TRAF3IP3: variants seen among roughly 807,000 people sequenced by gnomAD.
TRAF3IP3 encodes TRAF3-interacting JNK-activating modulator.
TRAF3IP3 carries 64 observed loss-of-function variants against 86.5 expected under a neutral mutation model. The observed-to-expected ratio is 0.74, with a 90% CI of 0.60 to 0.91. The LOEUF is 0.91. Among genes scored for constraint, TRAF3IP3 ranks in the 40% least tolerant of loss-of-function variants. TRAF3IP3 has a pLI of 0.00. For missense variants in TRAF3IP3, 579 were observed against 642.9 expected (o/e 0.90, Z 1.07); for synonymous variants, 220 against 243.9 (o/e 0.90, Z 0.91).
intron 8 of TRAF3IP3, among the ~76,000 whole-genome samples, chr1:209,771,495 AT>A (rs2077522571): frequency 9.3e-6 from 1 of 107,378 alleles, no homozygotes; most frequent in Non-Finnish European, 1.8e-5. Context: ...GTGCGTGTGC[AT>A]GTGAAGGTGT....
chr1:209,777,457 C>T lies in TRAF3IP3; in HGVS notation c.1159C>T (p.Leu387=), dbSNP rs370559667. The change falls in exon 12 of 17, where the codon CTG becomes TTG. Residue 387 remains leucine (L), a synonymous_variant. Transcript: ENST00000367025. ...TGAATGCCTGCAAGGGGACAGAGAC[C>T]TGTGCAGCTTGGATACCCAGGACCT... The part of the protein sequence containing the change: ...KIECLQGDRD[L]CSLDTQDLQD... The T allele has an allele frequency of 2.5e-6, 4 of 1,613,922 alleles. No individual in the cohort carries two copies. The highest frequency in any genetic ancestry group is 1.3e-5 in the African/African-American group (1 of 74,924).
intron 8 of TRAF3IP3, among the ~76,000 whole-genome samples, chr1:209,770,431 G>T (rs553501147): frequency 4.5e-4 from 67 of 150,380 alleles, no homozygotes; most frequent in South Asian, 8.4e-4. Context: ...ATGTGGAGGT[G>T]TGTGTGTGCA....
intron 11 of TRAF3IP3, chr1:209,776,600 T>C (rs1405712527): frequency 1.3e-5 from 2 of 152,002 alleles, no homozygotes; most frequent in Non-Finnish European, 2.9e-5. Context: ...TATGAAGATT[T>C]TTGTGAGGGG....
intron 8 of TRAF3IP3, chr1:209,768,777 C>A (rs956811233): frequency 2.5e-6 from 2 of 803,630 alleles, no homozygotes; most frequent in African/African-American, 1.9e-5. Context: ...AAAAGTGCTT[C>A]TTCCCACATA....
chr1:209,759,604 G>T (rs1019135393), intron 2 of TRAF3IP3, among the ~76,000 whole-genome samples: 2 of 152,112 alleles, frequency 1.3e-5, no homozygotes, highest in African/African-American at 4.8e-5. Context: ...TAGAAGTCTG[G>T]AAAATGAACA....
At chr1:209,777,820 A>G (rs1053213174) in intron 12 of TRAF3IP3, 5 of 527,712 alleles carry the variant, frequency 9.5e-6, no homozygotes, top group Non-Finnish European at 1.7e-5. Flanking sequence ...GTTGAAACAC[A>G]AGGCATAGAG....
intron 8 of TRAF3IP3, among the ~76,000 whole-genome samples, chr1:209,769,216 G>A (rs2077416467): frequency 7.0e-6 from 1 of 142,472 alleles, no homozygotes; most frequent in Non-Finnish European, 1.5e-5. Flanking sequence ...TGCATAGAAA[G>A]AGTTTGGGCA....
intron 8 of TRAF3IP3, 76 bp downstream of exon 8, chr1:209,763,663 C>T: frequency 8.1e-7 from 1 of 1,236,938 alleles, no homozygotes; most frequent in African/African-American, 1.5e-5. Context: ...TCCACATCAT[C>T]ACAGTAAGAG....
chr1:209,762,240 G>A (rs955970806), intron 3 of TRAF3IP3, among the ~76,000 whole-genome samples: 1 of 152,176 alleles, frequency 6.6e-6, no homozygotes, highest in Non-Finnish European at 1.5e-5. Context: ...GCAGAGAGCA[G>A]AGAGAGAAAG....
intron 8 of TRAF3IP3, among the ~76,000 whole-genome samples, chr1:209,767,094 G>A (rs968146319): frequency 1.3e-5 from 2 of 152,190 alleles, no homozygotes; most frequent in African/African-American, 4.8e-5. Flanking sequence ...AAGGATCTCA[G>A]ACAGGTCTTT....
At chr1:209,777,853 T>G in intron 12 of TRAF3IP3, 1 of 547,136 alleles carries the variant, frequency 1.8e-6, no homozygotes, top group Admixed American at 3.5e-5. Context: ...TCACATCCTC[T>G]GTGTCCGCTG....
chr1:209,769,057 T>G (rs921491024), intron 8 of TRAF3IP3, among the ~76,000 whole-genome samples: 2 of 152,096 alleles, frequency 1.3e-5, no homozygotes, highest in South Asian at 4.2e-4. Context: ...GGCAAAATAT[T>G]GGATTAAAGC....
Position 209,782,195 on chromosome 1 carries a change from C to A in TRAF3IP3, c.*47C>A, listed in dbSNP as rs772132832. On this transcript the variant is annotated 3_prime_UTR_variant, in exon 17 of 17. Transcript: ENST00000367025. ...GGGTGAAAATCAGAAGCAAGCAACT[C>A]AGCGAAAAACTCAGAAGGTTTGGGT... The A allele has an allele frequency of 2.0e-6, 3 of 1,490,070 alleles. No individual in the cohort carries two copies. Among genetic ancestry groups the A allele is most frequent in the Non-Finnish European group, 2.8e-6 (3 of 1,066,916 alleles). 92.3% of individuals were successfully genotyped at this position (1,490,070 alleles called of 1,614,324 possible). A position where few individuals can be genotyped will look rare whatever the true frequency, so the allele number is the denominator to read the frequency against.
intron 9 of TRAF3IP3, among the ~76,000 whole-genome samples, chr1:209,774,523 T>C (rs1028285042): frequency 6.6e-6 from 1 of 152,130 alleles, no homozygotes; most frequent in Admixed American, 6.5e-5. Context: ...GAATCTTGAG[T>C]ATTAGTAGAA....
rs752748328 is a variant in TRAF3IP3 at position 209,760,039 on chromosome 1, C to G, written c.-1C>G. 16 of 1,603,952 alleles carry G rather than the reference C, an allele frequency of 1.0e-5. No homozygotes were observed. Among genetic ancestry groups the G allele is most frequent in the Middle Eastern group, 1.7e-4 (1 of 5,990 alleles). ...AGCGCAACAGGTGCTTGGAGGTCAT[C>G]ATGATCAGCCCAGACCCCAGGCCCT... On this transcript the variant is annotated 5_prime_UTR_variant, in exon 3 of 17. In the 5' UTR this introduces an upstream ATG that the reference lacks. Transcript: ENST00000367025.
rs2077798994 is a variant in TRAF3IP3, at chr1:209,782,282, C to G, written c.*134C>G. 6 of 682,684 alleles carry G rather than the reference C, an allele frequency of 8.8e-6. No homozygotes were observed. The highest frequency in any genetic ancestry group is 7.1e-5 in the African/African-American group (4 of 56,336). The allele number at this position is 682,684 out of a possible 1,614,324, so 42.3% of individuals were successfully genotyped here. A position where few individuals can be genotyped will look rare whatever the true frequency, so the allele number is the denominator to read the frequency against. ...TCTGACTTTTTATTAATTTCTTAAC[C>G]TACTGTAAATAAACTTCACCTGACC... is the stretch of plus-strand genomic sequence containing the variant. On this transcript the variant is annotated 3_prime_UTR_variant, in exon 17 of 17. Coordinates refer to ENST00000367025, the MANE Select transcript of TRAF3IP3 (RefSeq NM_025228.4).
At chr1:209,777,563 G>A in intron 12 of TRAF3IP3, 76 bp downstream of exon 12, 2 of 1,446,340 alleles carry the variant, frequency 1.4e-6, no homozygotes, top group Non-Finnish European at 1.9e-6. Context: ...ACTGAATTAA[G>A]AGAAAGGCTT....
At chr1:209,760,474 C>G in intron 3 of TRAF3IP3, 90 bp downstream of exon 3, 1 of 1,150,980 alleles carries the variant, frequency 8.7e-7, no homozygotes, top group Non-Finnish European at 1.2e-6. Context: ...TAAAAAGTGA[C>G]CTAAATCAAG....
At position 209,780,596 on chromosome 1, in the gene TRAF3IP3, A is replaced by C. The variant is rs1372322126; in HGVS notation, c.1439A>C (p.Lys480Thr). 6.3e-7 allele frequency: 1 copy of C among 1,588,348 alleles called. No individual in the cohort carries two copies. Reference sequence around the variant, plus strand: ...AAGAAGACTTTGCAGCTCCAGGCCAAGGAAAAGGAGGTGAGAGGGTGACCT... The same window carrying C: ...AAGAAGACTTTGCAGCTCCAGGCCACGGAAAAGGAGGTGAGAGGGTGACCT... ...LQKKTLQLQA[K>T]EKECRELHSE... Residue 480 changes from lysine (K) to threonine (T), a missense_variant, in exon 15 of 17, where the codon AAG becomes ACG. Transcript: ENST00000367025.
Sources: gnomAD v4.1 joint callset for allele counts (sites outside exome capture counted in the v4.1 genomes callset) on GRCh38, gnomAD v4.1.1 for gene constraint, MANE v1.5 for transcripts, NCBI Gene and HGNC (gene_info 2026-07-23, HGNC 2026-07-21) for gene names.